The following KCND2 variants were observed in gnomAD, a reference collection of about 807,000 sequenced individuals.
The protein encoded by KCND2 is potassium voltage-gated channel subfamily D member 2.
In KCND2, 16 loss-of-function variants were observed where a neutral mutation model predicts 54.4. The observed-to-expected ratio is 0.29, with a 90% CI of 0.20 to 0.45. The LOEUF (loss-of-function observed/expected upper bound fraction) is 0.45. KCND2 is among the 20% of genes least tolerant of loss of function. The pLI is 1.00. For synonymous variants in KCND2, 317 were observed against 310.7 expected, an observed-to-expected ratio of 1.02 and a Z score of -0.21; for missense variants, 486 against 824.2, an observed-to-expected ratio of 0.59 and a Z score of 5.02.
chr7:120,659,268 A>C (rs1437909623), intron 1 of KCND2, among the ~76,000 whole-genome samples: 1 of 151,930 alleles, frequency 6.6e-6, no homozygotes, highest in African/African-American at 2.4e-5. Context: ...TTTGGATTCT[A>C]CTTCTAAGAT....
At chr7:120,382,479 T>A (rs1041177827) in intron 1 of KCND2, among the ~76,000 whole-genome samples, 1 of 151,940 alleles carries the variant, frequency 6.6e-6, no homozygotes, top group Non-Finnish European at 1.5e-5. Flanking sequence ...CAAATATAAA[T>A]GTAATCATGG....
At chr7:120,618,744 G>T (rs1793060292) in intron 1 of KCND2, among the ~76,000 whole-genome samples, 1 of 152,114 alleles carries the variant, frequency 6.6e-6, no homozygotes, top group Non-Finnish European at 1.5e-5. Flanking sequence ...GCAACACTTT[G>T]CAATATTTCA....
intron 1 of KCND2, among the ~76,000 whole-genome samples, chr7:120,315,817 T>A (rs1228313296): frequency 7.2e-6 from 1 of 138,998 alleles, no homozygotes; most frequent in Non-Finnish European, 1.6e-5. Flanking sequence ...TGTGTGTGTG[T>A]AATATTTGAG....
rs540122730 is a variant in KCND2 at position 120,647,241 on chromosome 7, C to T, written c.1116-85662C>T. Among the ~76,000 whole-genome samples the T allele has an allele frequency of 7.2e-5, 11 of 152,156 alleles. No homozygotes were observed. In the East Asian group the frequency reaches 9.7e-4, roughly 13 times the overall value. ...AGTTAAACATCATATTAACCTTCAGCGCATAGAGTTTGCTTTTGGTGCACT... is the reference window on the plus strand; with the variant it reads ...AGTTAAACATCATATTAACCTTCAGTGCATAGAGTTTGCTTTTGGTGCACT... On this transcript the variant is annotated intron_variant, in intron 1 of 5. Transcript: ENST00000331113.
Position 120,733,045 on chromosome 7 carries a change from G to A in KCND2, c.1258G>A (p.Asp420Asn). ...SRIYHQNQRA[D>N]KRRAQKKARL... ...CATCTACCACCAGAATCAACGAGCA[G>A]ACAAACGAAGGGCACAAAAGGTGCG... Residue 420 changes from aspartate (D) to asparagine (N), a missense_variant, in exon 2 of 6, where the codon GAC becomes AAC. Asp to Asn is a conservative substitution (Grantham distance 23). This residue lies in a region of KCND2 where 11 missense variants were observed against 21.4 expected (regional missense o/e 0.51). Coordinates refer to ENST00000331113, the MANE Select transcript of KCND2 (RefSeq NM_012281.3). 6.2e-7 allele frequency: 1 copy of A among 1,613,514 alleles called. No homozygotes were observed. The highest frequency in any genetic ancestry group is 8.5e-7 in the Non-Finnish European group (1 of 1,179,674).
chr7:120,406,254 G>C (rs1014182671), intron 1 of KCND2, among the ~76,000 whole-genome samples: 1 of 151,882 alleles, frequency 6.6e-6, no homozygotes, highest in East Asian at 1.9e-4. Context: ...ATTCAAAGTG[G>C]TGTATTTAAA....
intron 1 of KCND2, among the ~76,000 whole-genome samples, chr7:120,568,917 C>T (rs1026644334): frequency 6.6e-6 from 1 of 151,960 alleles, no homozygotes; most frequent in Admixed American, 6.6e-5. Context: ...TTTCCCCTCG[C>T]AATTCTTAGA....
At chr7:120,605,923 A>T (rs2116479489) in intron 1 of KCND2, among the ~76,000 whole-genome samples, 1 of 152,294 alleles carries the variant, frequency 6.6e-6, no homozygotes. Flanking sequence ...TAACGTCCAC[A>T]TGTCATAGGA....
intron 1 of KCND2, among the ~76,000 whole-genome samples, chr7:120,466,613 AT>A (rs1215143637): frequency 6.6e-6 from 1 of 152,056 alleles, no homozygotes; most frequent in East Asian, 1.9e-4. Flanking sequence ...TCTACAGCTC[AT>A]TTCTATACCA....
At chr7:120,344,995 GA>G (rs1327267554) in intron 1 of KCND2, among the ~76,000 whole-genome samples, 1 of 152,092 alleles carries the variant, frequency 6.6e-6, no homozygotes, top group Non-Finnish European at 1.5e-5. Flanking sequence ...TGGCCCAAAG[GA>G]AAAAGTGGTC....
intron 1 of KCND2, among the ~76,000 whole-genome samples, chr7:120,450,722 G>A (rs1263013859): frequency 6.6e-6 from 1 of 152,160 alleles, no homozygotes; most frequent in Non-Finnish European, 1.5e-5. Flanking sequence ...ACATTTAAAG[G>A]AGTAGGCTTT....
At chr7:120,601,436 A>G (rs1038092847) in intron 1 of KCND2, among the ~76,000 whole-genome samples, 2 of 152,114 alleles carry the variant, frequency 1.3e-5, no homozygotes, top group South Asian at 4.1e-4. Context: ...AAAGATCGAA[A>G]GGACATTCAA....
chr7:120,371,173 A>T (rs1800759106), intron 1 of KCND2, among the ~76,000 whole-genome samples: 1 of 151,942 alleles, frequency 6.6e-6, no homozygotes, highest in Admixed American at 6.6e-5. Flanking sequence ...CCCACCTTTC[A>T]TTGGCCAAAG....
At chr7:120,432,402 G>T (rs1281365934) in intron 1 of KCND2, among the ~76,000 whole-genome samples, 1 of 152,060 alleles carries the variant, frequency 6.6e-6, no homozygotes, top group African/African-American at 2.4e-5. Context: ...TACTGTATTT[G>T]TCTAGCATTG....
At chr7:120,336,490 G>A (rs569708296) in intron 1 of KCND2, among the ~76,000 whole-genome samples, 1 of 152,164 alleles carries the variant, frequency 6.6e-6, no homozygotes, top group East Asian at 1.9e-4. Context: ...ATATTATAGA[G>A]TTGAATTTTA....
At chr7:120,328,572 A>T (rs984481101) in intron 1 of KCND2, among the ~76,000 whole-genome samples, 1 of 152,168 alleles carries the variant, frequency 6.6e-6, no homozygotes, top group Non-Finnish European at 1.5e-5. Context: ...TCTCAAGAGA[A>T]AGCATTTTAT....
chr7:120,331,359 T>C (rs1800065907), intron 1 of KCND2, among the ~76,000 whole-genome samples: 1 of 152,106 alleles, frequency 6.6e-6, no homozygotes, highest in Admixed American at 6.5e-5. Flanking sequence ...TGCTTTTCCT[T>C]TCTTCCTTAT....
intron 1 of KCND2, among the ~76,000 whole-genome samples, chr7:120,349,709 T>C (rs1331787760): frequency 6.6e-6 from 1 of 152,192 alleles, no homozygotes; most frequent in Non-Finnish European, 1.5e-5. Flanking sequence ...GCCCCTGTTA[T>C]AGTCCAGATA....
At chr7:120,732,843 C>T (rs1792824250) in intron 1 of KCND2, 60 bp from the exon 2 acceptor site, 2 of 1,426,848 alleles carry the variant, frequency 1.4e-6, no homozygotes, top group African/African-American at 1.4e-5. Flanking sequence ...TTCTTAGTTT[C>T]AGGTAGAAAT....
Sources: gnomAD v4.1 joint callset for allele counts (sites outside exome capture counted in the v4.1 genomes callset) on GRCh38, gnomAD v4.1.1 for gene constraint, gnomAD v4.1.1 regional missense constraint, MANE v1.5 for transcripts, NCBI Gene and HGNC (gene_info 2026-07-23, HGNC 2026-07-21) for gene names.